The following DNER variants were observed in gnomAD, a reference collection of about 807,000 sequenced individuals.
DNER encodes delta and Notch-like epidermal growth factor-related receptor.
DNER carries 33 observed loss-of-function variants against 78.2 expected under a neutral mutation model. The ratio of observed to expected loss-of-function variants is 0.42; its 90% confidence interval spans 0.32 to 0.56. The LOEUF (loss-of-function observed/expected upper bound fraction) is 0.56, where lower values mean the gene tolerates loss of function less well. DNER is among the 20% of genes least tolerant of loss of function. The pLI is 0.11. For missense variants in DNER, 918 were observed against 975.3 expected (o/e 0.94, Z 0.78); for synonymous variants, 417 against 384.8 (o/e 1.08, Z -0.98).
chr2:229,670,186 G>A (rs912320316), intron 1 of DNER, among the ~76,000 whole-genome samples: 2 of 152,210 alleles, frequency 1.3e-5, no homozygotes, highest in South Asian at 4.1e-4. Flanking sequence ...CCAGATTCCC[G>A]AGCATGATGT....
intron 6 of DNER, 137 bp from the exon 7 acceptor site, chr2:229,477,390 T>C: frequency 1.9e-6 from 1 of 537,072 alleles, no homozygotes; most frequent in Non-Finnish European, 3.3e-6. Flanking sequence ...CTCCTAGATC[T>C]CATTTATTTT....
intron 7 of DNER, among the ~76,000 whole-genome samples, chr2:229,450,107 T>C (rs1694424806): frequency 6.6e-6 from 1 of 152,218 alleles, no homozygotes; most frequent in Non-Finnish European, 1.5e-5. Flanking sequence ...GAGGACATTT[T>C]GATTATTTTT....
intron 5 of DNER, among the ~76,000 whole-genome samples, chr2:229,532,318 A>T (rs979425984): frequency 6.6e-6 from 1 of 151,960 alleles, no homozygotes; most frequent in Non-Finnish European, 1.5e-5. Context: ...CACCCCACCT[A>T]ACCATTCTGA....
chr2:229,608,231 AGCTCACAGACCAAATGTG>A (rs1697977275), intron 1 of DNER, among the ~76,000 whole-genome samples: 1 of 152,202 alleles, frequency 6.6e-6, no homozygotes, highest in East Asian at 1.9e-4. Context: ...GACAAATTAC[AGCTCACAGACCAAATGTG>A]GCCCATCACC....
At chr2:229,660,676 G>C (rs1698994020) in intron 1 of DNER, among the ~76,000 whole-genome samples, 1 of 152,182 alleles carries the variant, frequency 6.6e-6, no homozygotes, top group Non-Finnish European at 1.5e-5. Flanking sequence ...ACTGTTACAT[G>C]TGATACTAAC....
intron 1 of DNER, among the ~76,000 whole-genome samples, chr2:229,699,525 C>T (rs764116619): frequency 1.2e-4 from 18 of 152,044 alleles, no homozygotes; most frequent in Non-Finnish European, 2.2e-4. Flanking sequence ...ACTGCCATAC[C>T]GGCTAATTTT....
intron 1 of DNER, among the ~76,000 whole-genome samples, chr2:229,595,694 C>T (rs1697700568): frequency 1.3e-5 from 2 of 152,188 alleles, no homozygotes; most frequent in Non-Finnish European, 2.9e-5. Flanking sequence ...CTGGCTTGCT[C>T]ACTGCTCCTC....
chr2:229,602,371 C>A (rs1697846459), intron 1 of DNER, among the ~76,000 whole-genome samples: 1 of 152,094 alleles, frequency 6.6e-6, no homozygotes, highest in Non-Finnish European at 1.5e-5. Flanking sequence ...AAACCTTCAG[C>A]AAATATAATA....
intron 1 of DNER, among the ~76,000 whole-genome samples, chr2:229,660,418 C>T (rs1328128752): frequency 6.6e-6 from 1 of 152,150 alleles, no homozygotes; most frequent in Non-Finnish European, 1.5e-5. Context: ...ATAGTGACCT[C>T]CAGCTCCATC....
At chr2:229,572,092 A>G (rs1430620253) in intron 4 of DNER, among the ~76,000 whole-genome samples, 2 of 151,902 alleles carry the variant, frequency 1.3e-5, no homozygotes, top group Non-Finnish European at 2.9e-5. Flanking sequence ...ACTTTCCACT[A>G]CCCTAGCCAA....
At chr2:229,650,631 A>AG (rs1442330317) in intron 1 of DNER, among the ~76,000 whole-genome samples, 3 of 151,886 alleles carry the variant, frequency 2.0e-5, no homozygotes, top group Non-Finnish European at 4.4e-5. Context: ...CACCACCCCA[A>AG]GGGCCCCTAC....
intron 8 of DNER, among the ~76,000 whole-genome samples, chr2:229,423,460 CA>C (rs1462305630): frequency 6.6e-6 from 1 of 151,694 alleles, no homozygotes; most frequent in East Asian, 1.9e-4. Flanking sequence ...ACTAAAAATA[CA>C]AAAAGTAGCC....
chr2:229,682,179 G>A (rs373904025), intron 1 of DNER, among the ~76,000 whole-genome samples: 2 of 152,186 alleles, frequency 1.3e-5, no homozygotes, highest in African/African-American at 4.8e-5. Context: ...GAGGACACAT[G>A]TGAAAACTAG....
chr2:229,705,153 G>A (rs913120043), intron 1 of DNER, among the ~76,000 whole-genome samples: 84 of 152,158 alleles, frequency 5.5e-4, no homozygotes, highest in Admixed American at 5.4e-3. Flanking sequence ...GGAAAAGAAG[G>A]ACTAGATACT....
chr2:229,542,443 T>A (rs748685278), intron 5 of DNER, among the ~76,000 whole-genome samples: 44 of 152,118 alleles, frequency 2.9e-4, no homozygotes, highest in Non-Finnish European at 4.0e-4. Flanking sequence ...CTCGCCCAAG[T>A]GCCTCTGACA....
At chr2:229,489,447 T>A (rs1346832876) in intron 6 of DNER, among the ~76,000 whole-genome samples, 4 of 143,192 alleles carry the variant, frequency 2.8e-5, no homozygotes, top group Non-Finnish European at 6.0e-5. Flanking sequence ...CAATCAAGTG[T>A]GGGATCAAAA....
chr2:229,588,510 G>T (rs768146262), intron 2 of DNER, 22 bp from the exon 3 acceptor site: 11 of 775,480 alleles, frequency 1.4e-5, no homozygotes, highest in South Asian at 1.1e-4. Context: ...AAAAAAAAAC[G>T]ACATATGATT....
At chr2:229,437,492 T>C (rs956457841) in intron 8 of DNER, among the ~76,000 whole-genome samples, 2 of 152,208 alleles carry the variant, frequency 1.3e-5, no homozygotes, top group African/African-American at 4.8e-5. Context: ...AAATGCATAG[T>C]GAAGGCTACA....
intron 1 of DNER, among the ~76,000 whole-genome samples, chr2:229,674,572 C>A (rs1699270802): frequency 6.6e-6 from 1 of 152,208 alleles, no homozygotes; most frequent in Non-Finnish European, 1.5e-5. Flanking sequence ...AGCCACTGCG[C>A]CTGGCCCCTT....
Sources: allele counts gnomAD v4.1 joint callset (sites outside exome capture counted in the v4.1 genomes callset), GRCh38; gene constraint gnomAD v4.1.1; transcripts MANE v1.5; gene names NCBI Gene and HGNC (gene_info 2026-07-23, HGNC 2026-07-21).